Variants in PTPRB observed in about 807,000 individuals in gnomAD.
PTPRB encodes the protein protein tyrosine phosphatase receptor type B.
Under a neutral mutation model 238.1 loss-of-function variants are expected in PTPRB, and 97 were observed. The observed-to-expected ratio is 0.41, with a 90% CI of 0.35 to 0.48. The LOEUF is 0.48. PTPRB is among the 20% of genes least tolerant of loss of function. The pLI is 0.30. For synonymous variants in PTPRB, 970 were observed against 995.4 expected (o/e 0.97, Z 0.48); for missense variants, 2,292 against 2,681.9 (o/e 0.85, Z 3.21).
chr12:70,626,325 ATCT>A (rs1159220872), intron 2 of PTPRB, among the ~76,000 whole-genome samples: 4 of 141,808 alleles, frequency 2.8e-5, no homozygotes, highest in African/African-American at 1.2e-4. Flanking sequence ...CTATCTATCT[ATCT>A]ATCTATCTAT....
intron 4 of PTPRB, 29 bp downstream of exon 4, chr12:70,609,040 G>A: frequency 1.2e-6 from 2 of 1,610,402 alleles, no homozygotes; most frequent in Non-Finnish European, 1.7e-6. Context: ...GTGTGGCTTG[G>A]CCATCCAATT....
rs1565966121 is a variant in PTPRB at position 70,576,460 on chromosome 12, G to A, written c.2764C>T (p.Pro922Ser). The part of the protein sequence containing the change: ...VRECSFSSLT[P>S]GRLYTVTITT... ...ATGGTCACGGTGTAGAGGCGGCCTGGGGTGAGGGAGCTGAAGGAACATTCT... is the reference window on the plus strand; with the variant it reads ...ATGGTCACGGTGTAGAGGCGGCCTGAGGTGAGGGAGCTGAAGGAACATTCT... The change falls in exon 11 of 34, where the codon CCA becomes TCA. Residue 922 changes from proline (P) to serine (S), a missense_variant. Pro to Ser is a moderately conservative substitution (Grantham distance 74). Around this residue, in one of 4 missense-constraint regions of PTPRB, gnomAD observed 1,205 missense variants for 1,287.8 expected, o/e 0.94. Transcript: ENST00000334414. 6.3e-7 allele frequency: 1 copy of A among 1,599,992 alleles called. No homozygotes were observed. Among genetic ancestry groups the A allele is most frequent in the Non-Finnish European group, 8.5e-7 (1 of 1,172,748 alleles).
At chr12:70,541,504 G>A (rs966856606) in intron 22 of PTPRB, 1 of 152,276 alleles carries the variant, frequency 6.6e-6, no homozygotes, top group African/African-American at 2.4e-5. Context: ...CATCTAAGTT[G>A]TACAATTCAG....
chr12:70,573,732 C>A (rs1195502840), intron 11 of PTPRB, among the ~76,000 whole-genome samples: 1 of 151,756 alleles, frequency 6.6e-6, no homozygotes, highest in African/African-American at 2.4e-5. Context: ...GTCTCAAACT[C>A]CTGACCTCAT....
chr12:70,524,971 ATGTG>A (rs555775169), intron 32 of PTPRB, among the ~76,000 whole-genome samples: 4 of 142,748 alleles, frequency 2.8e-5, no homozygotes, highest in East Asian at 2.0e-4. Context: ...ATGTGTATAT[ATGTG>A]TGTGTGTGTG....
At chr12:70,616,616 G>A (rs753048674) in intron 3 of PTPRB, among the ~76,000 whole-genome samples, 1 of 152,110 alleles carries the variant, frequency 6.6e-6, no homozygotes, top group African/African-American at 2.4e-5. Context: ...AGGTGATTCC[G>A]ATATATGTAT....
In PTPRB at chr12:70,532,189, G is replaced by GAAGATTGAGCCTTTTTATT; in HGVS notation, c.6369-38_6369-20dup. The GAAGATTGAGCCTTTTTATT allele has an allele frequency of 1.3e-6, 2 of 1,555,092 alleles. No homozygotes were observed. The highest frequency in any genetic ancestry group is 4.7e-5 in the East Asian group (2 of 42,842). On this transcript the variant is annotated intron_variant, in intron 31 of 33. Transcript: ENST00000334414. ...ACCAGCACTAGAAGAGATGGCAAAG[G>GAAGATTGAGCCTTTTTATT]AAGATTGAGCCTTTTTATTAAATTT...
At chr12:70,564,304 G>A (rs1878927752) in intron 15 of PTPRB, among the ~76,000 whole-genome samples, 1 of 151,940 alleles carries the variant, frequency 6.6e-6, no homozygotes. Flanking sequence ...CTGAGGTCAG[G>A]AGTTCAAGAC....
chr12:70,537,816 A>G (rs1277096758), intron 28 of PTPRB, among the ~76,000 whole-genome samples: 2 of 152,200 alleles, frequency 1.3e-5, no homozygotes, highest in Non-Finnish European at 2.9e-5. Flanking sequence ...GAAGATTCCA[A>G]ATAACATGGG....
At position 70,544,605 on chromosome 12, in the gene PTPRB, G is replaced by A. The variant is rs781547891; in HGVS notation, c.5446C>T (p.Pro1816Ser). The A allele has an allele frequency of 3.7e-6, 6 of 1,610,262 alleles. No homozygotes were observed. The highest frequency in any genetic ancestry group is 1.7e-5 in the Admixed American group (1 of 59,128). ...GAAAAAAATGTGTCTGAATAGAGTGGCTTTGTGAATTCCTTCAGGTCCTCA... is the reference window on the plus strand; with the variant it reads ...GAAAAAAATGTGTCTGAATAGAGTGACTTTGTGAATTCCTTCAGGTCCTCA... ...FDEDLKEFTK[P>S]LYSDTFFSLP... Residue 1816 changes from proline to serine, a missense_variant, in exon 22 of 34, where the codon CCA becomes TCA. This residue lies in a region of PTPRB where 397 missense variants were observed against 502.0 expected (regional missense o/e 0.79). Transcript: ENST00000334414.
chr12:70,625,510 GAAGA>G (rs1885132807), intron 2 of PTPRB, among the ~76,000 whole-genome samples: 1 of 151,422 alleles, frequency 6.6e-6, no homozygotes, highest in African/African-American at 2.4e-5. Context: ...AAATGGATGG[GAAGA>G]AAGAAAATCC....
At chr12:70,538,351 C>A in intron 27 of PTPRB, 120 bp from the exon 28 acceptor site, 1 of 793,136 alleles carries the variant, frequency 1.3e-6, no homozygotes, top group East Asian at 2.6e-5. Context: ...ATCTTATCTC[C>A]ATTTTGCAGA....
intron 3 of PTPRB, among the ~76,000 whole-genome samples, chr12:70,620,596 TG>T (rs1347652961): frequency 2.0e-5 from 3 of 152,206 alleles, no homozygotes; most frequent in Non-Finnish European, 2.9e-5. Flanking sequence ...ATGGAAGTTT[TG>T]GCTAGGCACA....
intron 31 of PTPRB, 50 bp from the exon 32 acceptor site, chr12:70,532,220 T>C: frequency 6.6e-7 from 1 of 1,525,784 alleles, no homozygotes; most frequent in Non-Finnish European, 8.8e-7. Context: ...AATTTGCCTT[T>C]CAAGATTGCA....
At chr12:70,625,120 CAAAG>C (rs1182526201) in intron 2 of PTPRB, among the ~76,000 whole-genome samples, 1 of 152,034 alleles carries the variant, frequency 6.6e-6, no homozygotes, top group East Asian at 1.9e-4. Context: ...ACCTTTTTTC[CAAAG>C]AAAGAAACTA....
In PTPRB at chr12:70,518,055, G is replaced by A. The variant is rs190130373; in HGVS notation, c.*3434C>T. The A allele has an allele frequency of 6.6e-5, 10 of 152,218 alleles. No individual in the cohort carries two copies. Among genetic ancestry groups the A allele is most frequent in the South Asian group, 2.1e-4 (1 of 4,818 alleles). 9.4% of individuals were successfully genotyped at this position (152,218 alleles called of 1,614,324 possible). ...CACATGTCATTTTGGGCTTTCTTCC[G>A]AGAGGTGATTACAAAATTTATCAAA... On this transcript the variant is annotated 3_prime_UTR_variant, in exon 34 of 34. Transcript: ENST00000334414.
At chr12:70,577,747 G>A (rs1880945308) in intron 10 of PTPRB, among the ~76,000 whole-genome samples, 1 of 152,114 alleles carries the variant, frequency 6.6e-6, no homozygotes, top group African/African-American at 2.4e-5. Context: ...ATACTTAAAA[G>A]CACTTATCCA....
intron 15 of PTPRB, 49 bp downstream of exon 15, chr12:70,566,386 A>C (rs779398470): frequency 1.3e-6 from 2 of 1,588,936 alleles, no homozygotes; most frequent in South Asian, 1.2e-5. Flanking sequence ...CTTACACAAT[A>C]GCAGACATTG....
intron 32 of PTPRB, among the ~76,000 whole-genome samples, chr12:70,525,827 T>G (rs1384551195): frequency 1.3e-5 from 2 of 152,238 alleles, no homozygotes; most frequent in Non-Finnish European, 2.9e-5. Context: ...CAGGCCAGGC[T>G]GAGCCATCAG....
Sources: allele counts gnomAD v4.1 joint callset (sites outside exome capture counted in the v4.1 genomes callset), GRCh38; gene constraint gnomAD v4.1.1; regional missense constraint gnomAD v4.1.1; transcripts MANE v1.5; gene names NCBI Gene and HGNC (gene_info 2026-07-23, HGNC 2026-07-21).